Variants in CCND1 observed in about 807,000 individuals in gnomAD.
CCND1 encodes the protein G1/S-specific cyclin-D1.
In CCND1, 9 loss-of-function variants were observed where a neutral mutation model predicts 26.1. The observed-to-expected ratio is 0.35, with a 90% CI of 0.21 to 0.60. CCND1 has a LOEUF of 0.60. Ranked by LOEUF, CCND1 falls within the 20% of genes least tolerant of loss-of-function variation. The probability of loss-of-function intolerance (pLI) is 0.79; values close to 1 mark genes in which losing one functional copy is unlikely to be tolerated. For missense variants in CCND1, 335 were observed against 392.9 expected, an observed-to-expected ratio of 0.85 and a Z score of 1.25; for synonymous variants, 194 against 166.1, an observed-to-expected ratio of 1.17 and a Z score of -1.29.
In CCND1 at chr11:69,641,527, C is replaced by T. The variant is rs543211695; in HGVS notation, c.198+16C>T. ...GATGCTGGAGGTGCGGGGCTTCGGG[C>T]GGCTCTCTTAAGACTTCCCTGCAAC... On this transcript the variant is annotated intron_variant, in intron 1 of 4. Coordinates refer to ENST00000227507, the MANE Select transcript of CCND1 (RefSeq NM_053056.3). 1.2e-6 allele frequency: 2 copies of T among 1,612,014 alleles called. No individual in the cohort carries two copies. Among genetic ancestry groups the T allele is most frequent in the South Asian group, 1.1e-5 (1 of 91,068 alleles).
intron 2 of CCND1, 162 bp from the exon 3 acceptor site, chr11:69,643,670 C>A: frequency 1.6e-6 from 1 of 620,186 alleles, no homozygotes; most frequent in Non-Finnish European, 2.8e-6. Context: ...GAGTCCCCAG[C>A]ATTCGCCAGC....
chr11:69,645,258 C>T (rs1315573980), intron 3 of CCND1, among the ~76,000 whole-genome samples: 3 of 152,202 alleles, frequency 2.0e-5, no homozygotes, highest in Admixed American at 1.3e-4. Flanking sequence ...AGACTCCAGA[C>T]AGCCTTTTAT....
Position 69,651,841 on chromosome 11 carries a change from T to C in CCND1, c.*559T>C. On this transcript the variant is annotated 3_prime_UTR_variant, in exon 5 of 5. Coordinates refer to ENST00000227507, the MANE Select transcript of CCND1 (RefSeq NM_053056.3). Reference sequence around the variant, plus strand: ...AGTGGGGTTCTAGGCATCTCTGTACTTTGCTTGCTCATATGCATGTAGTCA... The same window carrying C: ...AGTGGGGTTCTAGGCATCTCTGTACCTTGCTTGCTCATATGCATGTAGTCA... 4.3e-6 allele frequency: 1 copy of C among 233,342 alleles called. No homozygotes were observed. Among genetic ancestry groups the C allele is most frequent in the East Asian group, 6.0e-5 (1 of 16,586 alleles). 14.5% of individuals were successfully genotyped at this position (233,342 alleles called of 1,614,324 possible). A position where few individuals can be genotyped will look rare whatever the true frequency, so the allele number is the denominator to read the frequency against.
chr11:69,653,686 G>A lies in CCND1; in HGVS notation c.*2404G>A. 3.0e-6 allele frequency: 1 copy of A among 334,670 alleles called. No individual in the cohort carries two copies. The highest frequency in any genetic ancestry group is 4.7e-5 in the East Asian group (1 of 21,070). 20.7% of individuals were successfully genotyped at this position (334,670 alleles called of 1,614,324 possible). A position where few individuals can be genotyped will look rare whatever the true frequency, so the allele number is the denominator to read the frequency against. Reference sequence around the variant, plus strand: ...CTCTTCCCTGCGCCTGTGATGCTGGGCACTTCATCTGATCGGGGGCGTAGC... The same window carrying A: ...CTCTTCCCTGCGCCTGTGATGCTGGACACTTCATCTGATCGGGGGCGTAGC... On this transcript the variant is annotated 3_prime_UTR_variant, in exon 5 of 5. Coordinates refer to ENST00000227507, the MANE Select transcript of CCND1 (RefSeq NM_053056.3).
At chr11:69,641,700 G>A (rs1239272269) in intron 1 of CCND1, among the ~76,000 whole-genome samples, 189 bp downstream of exon 1, 1 of 152,232 alleles carries the variant, frequency 6.6e-6, no homozygotes, top group African/African-American at 2.4e-5. Flanking sequence ...GGTGGGGGTG[G>A]GGGTGCTAGA....
chr11:69,641,626 G>C, intron 1 of CCND1, 115 bp downstream of exon 1: 1 of 1,062,288 alleles, frequency 9.4e-7, no homozygotes, highest in Non-Finnish European at 1.4e-6. Flanking sequence ...GAAGTTTGCC[G>C]TGGTGTTTCT....
At position 69,651,259 on chromosome 11, in the gene CCND1, G is replaced by A. The variant is rs771951669; in HGVS notation, c.865G>A (p.Asp289Asn). 1.3e-6 allele frequency: 2 copies of A among 1,552,864 alleles called. No individual in the cohort carries two copies. The highest frequency in any genetic ancestry group is 1.9e-5 in the Admixed American group (1 of 53,976). ...GGTGGACCTGGCTTGCACACCCACC[G>A]ACGTGCGGGACGTGGACATCTGAGG... ...EEVDLACTPTDVRDVDI is the reference protein window; with the variant it reads ...EEVDLACTPTNVRDVDI Residue 289 changes from aspartate (D) to asparagine (N), a missense_variant, in exon 5 of 5, where the codon GAC becomes AAC. Asp to Asn is a conservative substitution (Grantham distance 23, BLOSUM62 1). Coordinates refer to ENST00000227507, the MANE Select transcript of CCND1 (RefSeq NM_053056.3).
chr11:69,650,419 A>C (rs1039265411), intron 4 of CCND1, among the ~76,000 whole-genome samples: 3 of 152,192 alleles, frequency 2.0e-5, no homozygotes, highest in Non-Finnish European at 4.4e-5. Flanking sequence ...GACGCTGCCA[A>C]GGGAGTCTGG....
At chr11:69,647,000 A>G (rs909184995) in intron 3 of CCND1, among the ~76,000 whole-genome samples, 8 of 152,094 alleles carry the variant, frequency 5.3e-5, no homozygotes, top group Admixed American at 2.0e-4. Context: ...GTGGGCCCAG[A>G]TGTGCGGGAC....
chr11:69,646,898 C>T (rs1023654387), intron 3 of CCND1, among the ~76,000 whole-genome samples: 10 of 152,218 alleles, frequency 6.6e-5, no homozygotes, highest in Non-Finnish European at 1.3e-4. Context: ...GCCTGGCAGG[C>T]GGATGAGCCC....
rs1217378954 is a variant in CCND1, at chr11:69,651,506, A to AG, written c.*224_*225insG. On this transcript the variant is annotated 3_prime_UTR_variant, in exon 5 of 5. Transcript: ENST00000227507. ...AACTGTCTTTAAAAGAGAGAGAGAG[A>AG]AAAAAAAAATAGTATTTGCATAACC... The AG allele has an allele frequency of 8.3e-6, 3 of 362,900 alleles. No individual in the cohort carries two copies. Among genetic ancestry groups the AG allele is most frequent in the Non-Finnish European group, 1.4e-5 (3 of 215,076 alleles). 22.5% of individuals were successfully genotyped at this position (362,900 alleles called of 1,614,324 possible).
Position 69,649,194 on chromosome 11 carries a change from G to T in CCND1, c.723+1052G>T, listed in dbSNP as rs556893296. The stretch of plus-strand genomic sequence containing the variant: ...AAAATGGCTCAGAAACACCATCGAG[G>T]CCTCCAGAAGCCCAGCAAAGAGAAA... On this transcript the variant is annotated intron_variant, in intron 4 of 4. Coordinates refer to ENST00000227507, the MANE Select transcript of CCND1 (RefSeq NM_053056.3). Among the ~76,000 whole-genome samples, 126 of 152,298 alleles carry T rather than the reference G, an allele frequency of 8.3e-4. 1 individual carries two copies. The Middle Eastern group carries it at 0.02, about 25-fold the overall frequency.
intron 2 of CCND1, 185 bp from the exon 3 acceptor site, chr11:69,643,647 C>T (rs1271574247): frequency 7.1e-6 from 4 of 564,778 alleles, no homozygotes; most frequent in Non-Finnish European, 1.2e-5. Context: ...TTGCGTGTTG[C>T]CCCAGCTCCC....
intron 3 of CCND1, among the ~76,000 whole-genome samples, chr11:69,645,948 C>T (rs546253716): frequency 3.3e-5 from 5 of 152,254 alleles, no homozygotes; most frequent in South Asian, 4.1e-4. Flanking sequence ...AAGGAGCTTC[C>T]GGGACAGCTG....
Position 69,641,299 on chromosome 11 carries a change from G to A in CCND1, c.-15G>A, listed in dbSNP as rs1855695874. 2 of 1,608,582 alleles carry A rather than the reference G, an allele frequency of 1.2e-6. No individual in the cohort carries two copies. The highest frequency in any genetic ancestry group is 4.5e-5 in the East Asian group (2 of 44,850). On this transcript the variant is annotated 5_prime_UTR_variant, in exon 1 of 5. Coordinates refer to ENST00000227507, the MANE Select transcript of CCND1 (RefSeq NM_053056.3). ...ACCCACAGCCCTCCCCAGCTGCCCA[G>A]GAAGAGCCCCAGCCATGGAACACCA...
chr11:69,653,180 G>A lies in CCND1; in HGVS notation c.*1898G>A. On this transcript the variant is annotated 3_prime_UTR_variant, in exon 5 of 5. Coordinates refer to ENST00000227507, the MANE Select transcript of CCND1 (RefSeq NM_053056.3). ...AGGCGGGAGGAGGTGTGAGGAGGAG[G>A]CTCCCGAGGGGAAGGGGCGGTGCCC... 2 of 651,702 alleles carry A rather than the reference G, an allele frequency of 3.1e-6. No homozygotes were observed. Among genetic ancestry groups the A allele is most frequent in the Non-Finnish European group, 5.5e-6 (2 of 360,858 alleles). The allele number at this position is 651,702 out of a possible 1,614,324, so 40.4% of individuals were successfully genotyped here.
At chr11:69,642,150 G>T (rs1191131704) in intron 1 of CCND1, among the ~76,000 whole-genome samples, 1 of 152,148 alleles carries the variant, frequency 6.6e-6, no homozygotes, top group African/African-American at 2.4e-5. Context: ...GGGAAGGGGG[G>T]GCCTTTGTTC....
chr11:69,648,750 C>T (rs1590915689), intron 4 of CCND1, among the ~76,000 whole-genome samples: 3 of 152,144 alleles, frequency 2.0e-5, no homozygotes, highest in Admixed American at 2.0e-4. Flanking sequence ...GAGAGGTGGC[C>T]GGGTCAGCCG....
At chr11:69,650,978 A>G in intron 4 of CCND1, 140 bp from the exon 5 acceptor site, 1 of 686,702 alleles carries the variant, frequency 1.5e-6, no homozygotes, top group Non-Finnish European at 2.4e-6. Flanking sequence ...CAGAGGAGGC[A>G]GCATGGGCCG....
Sources: gnomAD v4.1 joint callset for allele counts (sites outside exome capture counted in the v4.1 genomes callset) on GRCh38, gnomAD v4.1.1 for gene constraint, MANE v1.5 for transcripts, NCBI Gene and HGNC (gene_info 2026-07-23, HGNC 2026-07-21) for gene names.